The following HS3ST4 variants were observed in gnomAD, a reference collection of about 807,000 sequenced individuals.
HS3ST4 encodes heparan sulfate-glucosamine 3-sulfotransferase 4, also known as heparan sulfate glucosamine 3-O-sulfotransferase 4.
A neutral mutation model predicts 29.2 loss-of-function variants in HS3ST4; 17 were observed. That is an observed-to-expected ratio of 0.58 (90% CI 0.40 to 0.87). The LOEUF is 0.87. Among genes scored for constraint, HS3ST4 ranks in the 40% least tolerant of loss-of-function variants. The pLI is 0.00. For missense variants in HS3ST4, 627 were observed against 634.5 expected (o/e 0.99, Z 0.13); for synonymous variants, 314 against 285.7 (o/e 1.10, Z -1.00).
intron 1 of HS3ST4, among the ~76,000 whole-genome samples, chr16:25,993,978 G>A (rs866604830): frequency 3.4e-5 from 4 of 118,924 alleles, no homozygotes; most frequent in Admixed American, 1.9e-4. Context: ...GTGTGTGTGT[G>A]TGTGTGTGTG....
intron 1 of HS3ST4, among the ~76,000 whole-genome samples, chr16:25,833,390 TTA>T (rs1276749164): frequency 6.6e-6 from 1 of 152,120 alleles, no homozygotes; most frequent in Non-Finnish European, 1.5e-5. Flanking sequence ...GTGACTGGGA[TTA>T]TGTTATTGAA....
chr16:25,849,815 C>T (rs1967499994), intron 1 of HS3ST4, among the ~76,000 whole-genome samples: 1 of 139,844 alleles, frequency 7.2e-6, no homozygotes, highest in Non-Finnish European at 1.6e-5. Context: ...CTTAGAGCTC[C>T]TTAATCTATC....
intron 1 of HS3ST4, among the ~76,000 whole-genome samples, chr16:26,112,989 A>G (rs35046022): frequency 0.1 from 15,365 of 152,220 alleles, 959 homozygotes; most frequent in Admixed American, 0.17. Flanking sequence ...GGAAGCATAT[A>G]CAAAAATATA....
At chr16:25,794,621 G>A (rs1212321448) in intron 1 of HS3ST4, among the ~76,000 whole-genome samples, 1 of 151,878 alleles carries the variant, frequency 6.6e-6, no homozygotes, top group Non-Finnish European at 1.5e-5. Flanking sequence ...TCCTTTGACA[G>A]TTAATCTTTT....
chr16:25,985,557 C>T (rs1164297442), intron 1 of HS3ST4, among the ~76,000 whole-genome samples: 1 of 152,156 alleles, frequency 6.6e-6, no homozygotes, highest in Non-Finnish European at 1.5e-5. Flanking sequence ...CAGCTCTTGA[C>T]TATTTCCCTT....
intron 1 of HS3ST4, among the ~76,000 whole-genome samples, chr16:26,050,318 A>G (rs1003737487): frequency 3.9e-5 from 6 of 151,964 alleles, no homozygotes; most frequent in Non-Finnish European, 7.4e-5. Context: ...CTCTTTCTAT[A>G]TATATATGTA....
At chr16:25,788,689 CA>C (rs1966861862) in intron 1 of HS3ST4, among the ~76,000 whole-genome samples, 1 of 151,468 alleles carries the variant, frequency 6.6e-6, no homozygotes, top group Admixed American at 6.6e-5. Flanking sequence ...TATAGGCATG[CA>C]CCACCACACT....
chr16:26,131,000 T>C (rs1899411165), intron 1 of HS3ST4, among the ~76,000 whole-genome samples: 1 of 152,256 alleles, frequency 6.6e-6, no homozygotes, highest in Non-Finnish European at 1.5e-5. Flanking sequence ...TCCACATCAG[T>C]AAATCATGCT....
At chr16:26,113,582 G>C (rs542664673) in intron 1 of HS3ST4, among the ~76,000 whole-genome samples, 4 of 150,646 alleles carry the variant, frequency 2.7e-5, no homozygotes, top group South Asian at 2.1e-4. Context: ...CCAGTTTCCA[G>C]CTCTCAGCCT....
intron 1 of HS3ST4, among the ~76,000 whole-genome samples, chr16:25,958,376 G>C (rs1183473677): frequency 4.6e-5 from 7 of 152,184 alleles, no homozygotes; most frequent in African/African-American, 1.7e-4. Context: ...CTGTCACCCA[G>C]GCTGGAGTGC....
At chr16:26,132,670 A>C (rs1270539858) in intron 1 of HS3ST4, among the ~76,000 whole-genome samples, 2 of 152,204 alleles carry the variant, frequency 1.3e-5, no homozygotes, top group African/African-American at 4.8e-5. Context: ...AATGGGGCTC[A>C]GTGCAAAGAG....
At chr16:25,917,579 A>G (rs1968305218) in intron 1 of HS3ST4, among the ~76,000 whole-genome samples, 1 of 152,216 alleles carries the variant, frequency 6.6e-6, no homozygotes. Flanking sequence ...ATGTGGAGTG[A>G]GTAAGTGTGT....
intron 1 of HS3ST4, among the ~76,000 whole-genome samples, chr16:25,882,823 G>A (rs1204284437): frequency 6.6e-6 from 1 of 152,124 alleles, no homozygotes; most frequent in Non-Finnish European, 1.5e-5. Context: ...AATTAACATG[G>A]TGATGAACCG....
At chr16:26,134,482 C>T (rs1264499544) in intron 1 of HS3ST4, among the ~76,000 whole-genome samples, 2 of 151,604 alleles carry the variant, frequency 1.3e-5, no homozygotes, top group South Asian at 4.2e-4. Flanking sequence ...CCTGCCTCAG[C>T]CTCCCAAGTA....
Position 25,981,175 on chromosome 16 carries a change from T to C in HS3ST4, c.735-154437T>C, listed in dbSNP as rs193211557. On this transcript the variant is annotated intron_variant, in intron 1 of 1. Coordinates refer to ENST00000331351, the MANE Select transcript of HS3ST4 (RefSeq NM_006040.3). Reference sequence around the variant, plus strand: ...GAGTTTGAGACCAGCCTGGCCAACATGGTGAAACCCCATCTCTACAAAAAT... The same window carrying C: ...GAGTTTGAGACCAGCCTGGCCAACACGGTGAAACCCCATCTCTACAAAAAT... Among the ~76,000 whole-genome samples the C allele has an allele frequency of 2.6e-5, 4 of 152,154 alleles. No homozygotes were observed. In the East Asian group the frequency reaches 5.8e-4, roughly 22 times the overall value.
At chr16:25,762,141 G>T (rs1447056445) in intron 1 of HS3ST4, among the ~76,000 whole-genome samples, 1 of 152,122 alleles carries the variant, frequency 6.6e-6, no homozygotes, top group Non-Finnish European at 1.5e-5. Context: ...GAGAAAGGGG[G>T]CCCTCATTGA....
chr16:25,955,070 G>T (rs1320147188), intron 1 of HS3ST4, among the ~76,000 whole-genome samples: 1 of 152,206 alleles, frequency 6.6e-6, no homozygotes, highest in East Asian at 1.9e-4. Context: ...CCCATGCAGG[G>T]TGTTGGTGTC....
At chr16:25,924,099 C>T (rs1304701909) in intron 1 of HS3ST4, among the ~76,000 whole-genome samples, 2 of 152,182 alleles carry the variant, frequency 1.3e-5, no homozygotes, top group Non-Finnish European at 2.9e-5. Flanking sequence ...CATAACCTTT[C>T]CCATACAACT....
chr16:25,874,197 T>C (rs927999044), intron 1 of HS3ST4, among the ~76,000 whole-genome samples: 2 of 152,158 alleles, frequency 1.3e-5, no homozygotes, highest in Admixed American at 1.3e-4. Context: ...TTGTAAATAT[T>C]TGTTGAATTG....
Sources: allele counts gnomAD v4.1 joint callset (sites outside exome capture counted in the v4.1 genomes callset), GRCh38; gene constraint gnomAD v4.1.1; transcripts MANE v1.5; gene names NCBI Gene and HGNC (gene_info 2026-07-23, HGNC 2026-07-21).